INSR: variants seen among roughly 807,000 people sequenced by gnomAD.
INSR encodes insulin receptor.
In INSR, 67 loss-of-function variants were observed where a neutral mutation model predicts 142.6. The ratio of observed to expected loss-of-function variants is 0.47; its 90% CI spans 0.39 to 0.58. INSR has a LOEUF of 0.58. Among genes scored for constraint, INSR ranks in the 20% least tolerant of loss-of-function variants. INSR has a pLI of 0.00. For missense variants in INSR, 1,248 were observed against 1,833.2 expected (o/e 0.68, Z 5.83); for synonymous variants, 756 against 743.1 (o/e 1.02, Z -0.28).
intron 2 of INSR, among the ~76,000 whole-genome samples, chr19:7,199,439 C>A (rs1375938819): frequency 1.3e-5 from 2 of 151,036 alleles, no homozygotes; most frequent in African/African-American, 4.9e-5. Context: ...ACTCTGTGGC[C>A]CAGGCTGGAG....
At chr19:7,286,817 A>G (rs1968356130) in intron 1 of INSR, among the ~76,000 whole-genome samples, 1 of 151,994 alleles carries the variant, frequency 6.6e-6, no homozygotes, top group Non-Finnish European at 1.5e-5. Context: ...ATGCAGCTGC[A>G]AAATATCAAC....
intron 3 of INSR, among the ~76,000 whole-genome samples, chr19:7,181,968 T>C (rs1326445259): frequency 6.6e-6 from 1 of 152,064 alleles, no homozygotes; most frequent in Non-Finnish European, 1.5e-5. Context: ...GAAGAAAACA[T>C]CTGGCCCTAT....
intron 2 of INSR, among the ~76,000 whole-genome samples, chr19:7,221,771 T>C (rs940525893): frequency 6.6e-6 from 1 of 151,518 alleles, no homozygotes. Context: ...GGCATCACAC[T>C]GGGTTTCAAC....
intron 5 of INSR, among the ~76,000 whole-genome samples, chr19:7,171,182 G>A (rs1299757549): frequency 6.6e-6 from 1 of 151,894 alleles, no homozygotes; most frequent in Non-Finnish European, 1.5e-5. Context: ...AGAACATGTG[G>A]CCATCCTTAA....
Position 7,216,896 on chromosome 19 carries a change from C to T in INSR, c.653-32259G>A, listed in dbSNP as rs1396789120. On this transcript the variant is annotated intron_variant, in intron 2 of 21. Transcript: ENST00000302850. The surrounding 1 kb of genome is among the most constrained non-coding windows in gnomAD (Gnocchi z 4.2). Reference sequence around the variant, plus strand: ...GTGCAATCATGGCTCACTGCAGCCTCGAACTCCTGGGCTCAAGCAATCCTC... The same window carrying T: ...GTGCAATCATGGCTCACTGCAGCCTTGAACTCCTGGGCTCAAGCAATCCTC... Among the ~76,000 whole-genome samples, 1 of 151,774 alleles carries T rather than the reference C, an allele frequency of 6.6e-6. No homozygotes were observed. The highest frequency in any genetic ancestry group is 2.4e-5 in the African/African-American group (1 of 41,084).
At chr19:7,161,210 T>C (rs1249407129) in intron 9 of INSR, among the ~76,000 whole-genome samples, 1 of 150,346 alleles carries the variant, frequency 6.7e-6, no homozygotes, top group Non-Finnish European at 1.5e-5. Flanking sequence ...ATAAAATGAT[T>C]GCACAACATT....
chr19:7,142,491 T>C (rs193191063), intron 12 of INSR, among the ~76,000 whole-genome samples: 1,838 of 150,658 alleles, frequency 0.012, 42 homozygotes, highest in African/African-American at 0.042. Flanking sequence ...GCCCAGGAGT[T>C]CAAGACCAGC....
intron 1 of INSR, among the ~76,000 whole-genome samples, chr19:7,292,477 G>GGGGC (rs1555693269): frequency 1.1e-4 from 16 of 150,030 alleles, no homozygotes; most frequent in African/African-American, 3.6e-4. Context: ...GGCTGGGGGG[G>GGGGC]GGTGGGCCCG....
intron 3 of INSR, among the ~76,000 whole-genome samples, chr19:7,180,678 G>A (rs541728448): frequency 6.6e-6 from 1 of 152,152 alleles, no homozygotes; most frequent in African/African-American, 2.4e-5. Context: ...AGATGACGAG[G>A]GGAAAAAGTG....
chr19:7,252,148 G>T (rs148693337), intron 2 of INSR, among the ~76,000 whole-genome samples: 1 of 152,150 alleles, frequency 6.6e-6, no homozygotes, highest in African/African-American at 2.4e-5. Context: ...AGTGGCGCAC[G>T]CCTGTAATCC....
chr19:7,268,790 T>C (rs950049578), intron 1 of INSR, among the ~76,000 whole-genome samples: 3 of 152,172 alleles, frequency 2.0e-5, no homozygotes, highest in African/African-American at 7.2e-5. Context: ...AACAGTCATC[T>C]CTAGGCTAGT....
intron 1 of INSR, among the ~76,000 whole-genome samples, chr19:7,275,848 G>A (rs914865382): frequency 6.6e-6 from 1 of 151,810 alleles, no homozygotes; most frequent in Non-Finnish European, 1.5e-5. Flanking sequence ...AGAGCCACCC[G>A]TGGATGGTGG....
chr19:7,203,006 T>TTG (rs1975010996), intron 2 of INSR, among the ~76,000 whole-genome samples: 10 of 149,374 alleles, frequency 6.7e-5, no homozygotes, highest in African/African-American at 2.5e-4. Flanking sequence ...GTTTTTTTTT[T>TTG]TTTTTTTTCA....
intron 2 of INSR, among the ~76,000 whole-genome samples, chr19:7,255,800 G>A (rs890346265): frequency 3.3e-5 from 5 of 151,812 alleles, no homozygotes; most frequent in Non-Finnish European, 5.9e-5. Flanking sequence ...GGCTGAGCTC[G>A]AATTCTAGGT....
chr19:7,175,447 G>A (rs1188965440), intron 3 of INSR, among the ~76,000 whole-genome samples: 1 of 152,128 alleles, frequency 6.6e-6, no homozygotes, highest in Non-Finnish European at 1.5e-5. Flanking sequence ...GGTAGTGGGG[G>A]TGGCGTCCTA....
rs1972359680 is a variant in INSR, at chr19:7,117,326, G to C, written c.3879C>G (p.Asp1293Glu). Residue 1293 changes from aspartate (D) to glutamate (E), a missense_variant, in exon 22 of 22, where the codon GAC becomes GAG. Transcript: ENST00000302850. ...FLEIVNLLKDDLHPSFPEVSF... is the reference protein window; with the variant it reads ...FLEIVNLLKDELHPSFPEVSF... ...ACACCTCTGGAAAGCTGGGGTGCAG[G>C]TCGTCCTTGAGCAGGTTGACAATCT... The C allele has an allele frequency of 6.2e-7, 1 of 1,614,164 alleles. No individual in the cohort carries two copies.
intron 2 of INSR, among the ~76,000 whole-genome samples, chr19:7,263,278 CA>C (rs59144562): frequency 1.0e-3 from 131 of 129,752 alleles, no homozygotes; most frequent in Non-Finnish European, 1.1e-3. Context: ...GACTCCATCT[CA>C]AAAAAAAAAA....
At chr19:7,280,487 G>C (rs577726946) in intron 1 of INSR, among the ~76,000 whole-genome samples, 1 of 152,228 alleles carries the variant, frequency 6.6e-6, no homozygotes, top group East Asian at 1.9e-4. Flanking sequence ...GGCAGCCGAG[G>C]CGGGTGGATC....
intron 8 of INSR, among the ~76,000 whole-genome samples, chr19:7,164,092 TAAAAAAAAA>T (rs4031077): frequency 0.043 from 3,460 of 80,334 alleles, 176 homozygotes; most frequent in African/African-American, 0.16. Context: ...GAAACTCCGT[TAAAAAAAAA>T]AAAAAAAAAA....
Sources: allele counts gnomAD v4.1 joint callset (sites outside exome capture counted in the v4.1 genomes callset), GRCh38; gene constraint gnomAD v4.1.1; non-coding constraint Gnocchi (gnomAD v3.1); transcripts MANE v1.5; gene names NCBI Gene and HGNC (gene_info 2026-07-23, HGNC 2026-07-21).